Variants in MITF observed in about 807,000 individuals in gnomAD.
The protein encoded by MITF is microphthalmia-associated transcription factor.
Under a neutral mutation model 60.5 loss-of-function variants are expected in MITF, and 17 were observed. The observed-to-expected ratio is 0.28, with a 90% confidence interval of 0.19 to 0.42. The LOEUF is 0.42. MITF is among the 10% of genes least tolerant of loss of function. The pLI is 1.00. For synonymous variants in MITF, 260 were observed against 248.5 expected, an observed-to-expected ratio of 1.05 and a Z score of -0.43; for missense variants, 622 against 683.5, an observed-to-expected ratio of 0.91 and a Z score of 1.00.
chr3:69,747,411 A>G (rs1444638015), intron 1 of MITF, among the ~76,000 whole-genome samples: 1 of 152,222 alleles, frequency 6.6e-6, no homozygotes, highest in African/African-American at 2.4e-5. Context: ...TCCAGACACT[A>G]CCACTCACTG....
rs865815994 is a variant in MITF, at chr3:69,879,134, C to T, written c.105C>T (p.Ser35=). 1 of 1,614,108 alleles carries T rather than the reference C, an allele frequency of 6.2e-7. No individual in the cohort carries two copies. Among genetic ancestry groups the T allele is most frequent in the Non-Finnish European group, 8.5e-7 (1 of 1,179,958 alleles). ...YELKSQPLKS[S]SSAEHPGASK... is the part of the protein sequence containing the mutation. ...TGTATGCATTTTGGTTTTCCCACAG[C>T]AGTTCCGCCGAGCATCCTGGGGCCT... is the stretch of plus-strand genomic sequence containing the variant. Residue 35 remains serine, a splice_region_variant and synonymous_variant, in exon 2 of 10, where the codon AGC becomes AGT. Coordinates refer to ENST00000352241, the MANE Select transcript of MITF (RefSeq NM_001354604.2).
At chr3:69,945,201 A>G (rs2066064875) in intron 5 of MITF, among the ~76,000 whole-genome samples, 5 of 152,178 alleles carry the variant, frequency 3.3e-5, no homozygotes, top group Admixed American at 3.3e-4. Flanking sequence ...TACAATTATC[A>G]TTTACTTGGA....
At chr3:69,763,617 C>T (rs575237022) in intron 1 of MITF, 10 of 1,215,740 alleles carry the variant, frequency 8.2e-6, no homozygotes, top group African/African-American at 4.7e-5. Flanking sequence ...CGTCTGCAAT[C>T]GCATCTTTGT....
intron 1 of MITF, among the ~76,000 whole-genome samples, chr3:69,815,645 A>G (rs747491067): frequency 2.6e-5 from 4 of 152,194 alleles, no homozygotes; most frequent in Non-Finnish European, 1.5e-5. Context: ...ACAGAAGGCT[A>G]TTCCCCGTTG....
intron 5 of MITF, among the ~76,000 whole-genome samples, chr3:69,946,196 T>C (rs531350850): frequency 1.3e-5 from 2 of 152,166 alleles, no homozygotes; most frequent in African/African-American, 2.4e-5. Context: ...CACTTTTCAA[T>C]TGGAGACACT....
At chr3:69,768,509 G>T (rs2062337445) in intron 1 of MITF, among the ~76,000 whole-genome samples, 1 of 152,174 alleles carries the variant, frequency 6.6e-6, no homozygotes, top group African/African-American at 2.4e-5. Flanking sequence ...AAGAATCCGG[G>T]CTGTTGAGTT....
chr3:69,813,741 A>G (rs1283216864), intron 1 of MITF, among the ~76,000 whole-genome samples: 1 of 152,226 alleles, frequency 6.6e-6, no homozygotes. Context: ...AATTAAATCT[A>G]GTTGAAAGTC....
At chr3:69,851,352 T>C (rs944237587) in intron 1 of MITF, among the ~76,000 whole-genome samples, 9 of 152,190 alleles carry the variant, frequency 5.9e-5, no homozygotes, top group African/African-American at 2.2e-4. Context: ...TTTTGGTATA[T>C]CTTAAAAATG....
At chr3:69,857,421 A>G (rs62253180) in intron 1 of MITF, among the ~76,000 whole-genome samples, 20,977 of 152,114 alleles carry the variant, frequency 0.14, 1,600 homozygotes, top group South Asian at 0.18. Flanking sequence ...TGATATGCAA[A>G]TATGAGATAC....
chr3:69,828,974 C>G (rs2063402009), intron 1 of MITF, among the ~76,000 whole-genome samples: 1 of 151,002 alleles, frequency 6.6e-6, no homozygotes, highest in Admixed American at 6.6e-5. Context: ...GTGTGTTTTA[C>G]TAAGATTCAT....
At chr3:69,834,895 A>T (rs1166716289) in intron 1 of MITF, among the ~76,000 whole-genome samples, 2 of 141,292 alleles carry the variant, frequency 1.4e-5, no homozygotes, top group Admixed American at 7.3e-5. Context: ...GTGAGGTAGT[A>T]TCTCCCTACG....
intron 1 of MITF, among the ~76,000 whole-genome samples, chr3:69,798,870 C>G (rs1004164857): frequency 1.3e-5 from 2 of 152,210 alleles, no homozygotes; most frequent in Non-Finnish European, 2.9e-5. Context: ...CCTACTCATC[C>G]CCTTGTTAAT....
chr3:69,799,804 A>G (rs891243778), intron 1 of MITF, among the ~76,000 whole-genome samples: 1 of 152,276 alleles, frequency 6.6e-6, no homozygotes, highest in Admixed American at 6.5e-5. Context: ...TGTTCGTGTC[A>G]CTGAAGAGAG....
intron 1 of MITF, among the ~76,000 whole-genome samples, chr3:69,797,428 G>T (rs1249591085): frequency 6.6e-6 from 1 of 152,040 alleles, no homozygotes; most frequent in Non-Finnish European, 1.5e-5. Context: ...CTACAGAAAA[G>T]AAATGGATTC....
In MITF at chr3:69,966,242, A is replaced by G; in HGVS notation, c.*994A>G. ...AATTTGTAAGAATATGCATCTTAAAATGGCAAGTTTTCCATATTTTTACAA... is the reference window on the plus strand; with the variant it reads ...AATTTGTAAGAATATGCATCTTAAAGTGGCAAGTTTTCCATATTTTTACAA... On this transcript the variant is annotated 3_prime_UTR_variant, in exon 10 of 10. Coordinates refer to ENST00000352241, the MANE Select transcript of MITF (RefSeq NM_001354604.2). 4.3e-6 allele frequency: 1 copy of G among 232,814 alleles called. No individual in the cohort carries two copies. The highest frequency in any genetic ancestry group is 1.3e-3 in the Middle Eastern group (1 of 780). 14.4% of individuals were successfully genotyped at this position (232,814 alleles called of 1,614,324 possible).
chr3:69,933,371 C>T (rs2065764747), intron 2 of MITF, among the ~76,000 whole-genome samples: 1 of 152,048 alleles, frequency 6.6e-6, no homozygotes, highest in South Asian at 2.1e-4. Context: ...TAGCTACCAT[C>T]TTAAACTGAC....
chr3:69,746,939 C>A (rs111999475), intron 1 of MITF, among the ~76,000 whole-genome samples: 166 of 152,346 alleles, frequency 1.1e-3, no homozygotes, highest in African/African-American at 3.8e-3. Flanking sequence ...CCCATTTCTA[C>A]AATGTGGCTT....
intron 1 of MITF, among the ~76,000 whole-genome samples, chr3:69,812,477 AAAG>A (rs1352264696): frequency 1.3e-5 from 2 of 152,190 alleles, no homozygotes; most frequent in African/African-American, 4.8e-5. Flanking sequence ...CCTGAGGGGC[AAAG>A]TTTTTAAGTG....
At chr3:69,874,714 C>T (rs1157486755) in intron 1 of MITF, among the ~76,000 whole-genome samples, 1 of 152,124 alleles carries the variant, frequency 6.6e-6, no homozygotes, top group African/African-American at 2.4e-5. Context: ...GATATTGAGA[C>T]CAAAGACCAG....
Sources: gnomAD v4.1 joint callset for allele counts (sites outside exome capture counted in the v4.1 genomes callset) on GRCh38, gnomAD v4.1.1 for gene constraint, MANE v1.5 for transcripts, NCBI Gene and HGNC (gene_info 2026-07-23, HGNC 2026-07-21) for gene names.